The following ATP6V0A4 variants were observed in gnomAD, a reference collection of about 807,000 sequenced individuals.
ATP6V0A4 encodes V-type proton ATPase 116 kDa subunit a 4.
ATP6V0A4 carries 86 observed loss-of-function variants against 107.3 expected under a neutral mutation model. The ratio of observed to expected loss-of-function variants is 0.80; its 90% confidence interval spans 0.67 to 0.96. ATP6V0A4 has a LOEUF of 0.96. Among genes scored for constraint, ATP6V0A4 ranks in the 40% least tolerant of loss-of-function variants. The pLI is 0.00. For missense variants in ATP6V0A4, 908 were observed against 1,045.6 expected (o/e 0.87, Z 1.81); for synonymous variants, 353 against 381.4 (o/e 0.93, Z 0.87).
At chr7:138,718,686 G>GGGACGTCCAGGAAGGAATGGGGCGGGT (rs1804276694) in intron 19 of ATP6V0A4, among the ~76,000 whole-genome samples, 1 of 40,774 alleles carries the variant, frequency 2.5e-5, no homozygotes, top group Non-Finnish European at 4.9e-5. Flanking sequence ...CGGGGGGGGG[G>GGGACGTCCAGGAAGGAATGGGGCGGGT]GGTGCAGTCA....
At chr7:138,792,777 TG>T (rs766565276) in intron 1 of ATP6V0A4, among the ~76,000 whole-genome samples, 6,985 of 36,628 alleles carry the variant, frequency 0.19, 353 homozygotes, top group African/African-American at 0.21. Context: ...TTTTTTTTTT[TG>T]TTGTTTTGTT....
At position 138,769,268 on chromosome 7, in the gene ATP6V0A4, C is replaced by T. The variant is rs763789334; in HGVS notation, c.118-17G>A. The T allele has an allele frequency of 6.2e-7, 1 of 1,606,922 alleles. No homozygotes were observed. The highest frequency in any genetic ancestry group is 1.3e-5 in the African/African-American group (1 of 74,542). ...CATATTTAACTATGGGGGCGAAAAT[C>T]ACAAGATACATGTTAGTAGCAACAG... On this transcript the variant is annotated splice_polypyrimidine_tract_variant and intron_variant, in intron 3 of 21. Coordinates refer to ENST00000310018, the MANE Select transcript of ATP6V0A4 (RefSeq NM_020632.3).
intron 2 of ATP6V0A4, among the ~76,000 whole-genome samples, chr7:138,784,251 T>C (rs55721017): frequency 1.2e-3 from 38 of 30,718 alleles, no homozygotes; most frequent in East Asian, 3.9e-3. Flanking sequence ...TATATATATA[T>C]ACATATATAT....
chr7:138,723,726 A>G (rs1488204463), intron 18 of ATP6V0A4, among the ~76,000 whole-genome samples: 1 of 151,624 alleles, frequency 6.6e-6, no homozygotes, highest in Non-Finnish European at 1.5e-5. Flanking sequence ...GGGTTTCTCC[A>G]TGCTGGCCAG....
intron 8 of ATP6V0A4, among the ~76,000 whole-genome samples, chr7:138,758,836 C>T (rs540047739): frequency 5.7e-5 from 8 of 141,522 alleles, no homozygotes; most frequent in Admixed American, 7.6e-5. Context: ...CTGCAACCTC[C>T]GCCTCTTGGG....
intron 21 of ATP6V0A4, 145 bp from the exon 22 acceptor site, chr7:138,706,862 C>T: frequency 8.1e-7 from 1 of 1,234,302 alleles, no homozygotes; most frequent in Non-Finnish European, 1.1e-6. Flanking sequence ...GGCACCCAGG[C>T]TGATGGCTGC....
chr7:138,779,006 T>C (rs1247500655), intron 2 of ATP6V0A4, among the ~76,000 whole-genome samples: 1 of 152,146 alleles, frequency 6.6e-6, no homozygotes, highest in Non-Finnish European at 1.5e-5. Flanking sequence ...AGAAACGCTC[T>C]ACCCAACTTC....
At chr7:138,785,946 C>A (rs1584952319) in intron 2 of ATP6V0A4, among the ~76,000 whole-genome samples, 1 of 152,210 alleles carries the variant, frequency 6.6e-6, no homozygotes, top group African/African-American at 2.4e-5. Context: ...CCATCCAACG[C>A]CAGTGGGGCA....
At chr7:138,751,042 G>T (rs926276148) in intron 11 of ATP6V0A4, among the ~76,000 whole-genome samples, 7 of 151,638 alleles carry the variant, frequency 4.6e-5, no homozygotes, top group East Asian at 1.9e-4. Flanking sequence ...TATCAATGCC[G>T]CCTGCTCAGA....
intron 8 of ATP6V0A4, among the ~76,000 whole-genome samples, chr7:138,757,452 G>C (rs541025488): frequency 2.0e-5 from 3 of 152,116 alleles, no homozygotes; most frequent in Non-Finnish European, 4.4e-5. Context: ...GGAAGTCGAG[G>C]CTGCAGTGAG....
At chr7:138,726,802 T>C (rs111537095) in intron 18 of ATP6V0A4, among the ~76,000 whole-genome samples, 1 of 152,058 alleles carries the variant, frequency 6.6e-6, no homozygotes, top group Non-Finnish European at 1.5e-5. Flanking sequence ...GAGCTCCTGT[T>C]ACCAGTCAGT....
intron 18 of ATP6V0A4, among the ~76,000 whole-genome samples, chr7:138,725,987 T>C (rs1034719109): frequency 2.0e-5 from 3 of 151,794 alleles, no homozygotes; most frequent in African/African-American, 4.8e-5. Flanking sequence ...TGAAGTTTAT[T>C]TATTTATTTA....
At chr7:138,740,522 AC>A (rs1199465617) in intron 14 of ATP6V0A4, among the ~76,000 whole-genome samples, 1 of 52,618 alleles carries the variant, frequency 1.9e-5, no homozygotes, top group Non-Finnish European at 3.7e-5. Flanking sequence ...CGCCACCCCC[AC>A]CCCCCAACCC....
intron 15 of ATP6V0A4, among the ~76,000 whole-genome samples, chr7:138,736,046 C>A (rs1341222085): frequency 6.6e-6 from 1 of 151,694 alleles, no homozygotes. Flanking sequence ...CCAGCCTGGG[C>A]AACAAAAGTG....
intron 13 of ATP6V0A4, 113 bp from the exon 14 acceptor site, chr7:138,745,393 G>T: frequency 6.7e-7 from 1 of 1,490,536 alleles, no homozygotes; most frequent in Non-Finnish European, 9.2e-7. Flanking sequence ...CCTTGGGGGA[G>T]CCACATGACC....
intron 17 of ATP6V0A4, 67 bp from the exon 18 acceptor site, chr7:138,728,929 A>G: frequency 1.2e-6 from 2 of 1,611,906 alleles, no homozygotes; most frequent in South Asian, 2.2e-5. Flanking sequence ...TACGTGATGA[A>G]AATGACCACT....
intron 19 of ATP6V0A4, among the ~76,000 whole-genome samples, chr7:138,719,994 C>T (rs1375941002): frequency 6.6e-6 from 1 of 151,088 alleles, no homozygotes; most frequent in Non-Finnish European, 1.5e-5. Flanking sequence ...CATTGCACTC[C>T]AGCCTGGGCA....
intron 14 of ATP6V0A4, among the ~76,000 whole-genome samples, chr7:138,740,446 G>A (rs1187789354): frequency 7.2e-6 from 1 of 138,580 alleles, no homozygotes; most frequent in Non-Finnish European, 1.5e-5. Flanking sequence ...TTTTTTTGGA[G>A]ACTGCGTTTC....
At chr7:138,709,385 T>A (rs1803618472) in intron 21 of ATP6V0A4, among the ~76,000 whole-genome samples, 2 of 151,712 alleles carry the variant, frequency 1.3e-5, no homozygotes, top group South Asian at 4.2e-4. Flanking sequence ...AGAACTAACA[T>A]ATATGAGAGT....
Sources: gnomAD v4.1 joint callset for allele counts (sites outside exome capture counted in the v4.1 genomes callset) on GRCh38, gnomAD v4.1.1 for gene constraint, MANE v1.5 for transcripts, NCBI Gene and HGNC (gene_info 2026-07-23, HGNC 2026-07-21) for gene names.